Variants in ELK3 observed in about 807,000 individuals in gnomAD.
ELK3 encodes the protein ETS domain-containing protein Elk-3.
ELK3 carries 10 observed loss-of-function variants against 28.9 expected under a neutral mutation model. The observed-to-expected ratio is 0.35, with a 90% CI of 0.21 to 0.59. The LOEUF (loss-of-function observed/expected upper bound fraction) is 0.59. ELK3 is among the 20% of genes least tolerant of loss of function. The pLI, the probability that ELK3 is intolerant of heterozygous loss-of-function variation, is 0.82. For missense variants in ELK3, 463 were observed against 517.3 expected (o/e 0.90, Z 1.02); for synonymous variants, 272 against 243.5 (o/e 1.12, Z -1.09).
intron 3 of ELK3, among the ~76,000 whole-genome samples, chr12:96,252,771 C>T (rs937820316): frequency 2.6e-5 from 4 of 152,192 alleles, no homozygotes; most frequent in Non-Finnish European, 5.9e-5. Flanking sequence ...GAATCTACTC[C>T]TGTTGAAGAC....
Position 96,238,731 on chromosome 12 carries a change from T to C in ELK3, c.208-8209T>C, listed in dbSNP as rs145864622. 1.7e-3 allele frequency among the ~76,000 whole-genome samples: 258 copies of C among 152,314 alleles called. 1 individual carries two copies. Among genetic ancestry groups the C allele is most frequent in the African/African-American group, 4.9e-3 (205 of 41,574 alleles). ...CTGTGGATTGGCAGAGGCAGTTCTA[T>C]TTCTAGGTAATGAATGGACCTTACG... On this transcript the variant is annotated intron_variant, in intron 2 of 4. Transcript: ENST00000228741.
chr12:96,214,923 A>G (rs1354567000), intron 1 of ELK3, among the ~76,000 whole-genome samples: 1 of 152,236 alleles, frequency 6.6e-6, no homozygotes, highest in Non-Finnish European at 1.5e-5. Flanking sequence ...ATGGAAATGC[A>G]TAGCAGATAC....
intron 1 of ELK3, among the ~76,000 whole-genome samples, chr12:96,209,022 C>T (rs556939115): frequency 6.6e-6 from 1 of 152,220 alleles, no homozygotes; most frequent in Non-Finnish European, 1.5e-5. Flanking sequence ...GGTGATGTCA[C>T]AGCCCACACC....
chr12:96,217,853 G>A (rs548418473), intron 1 of ELK3, among the ~76,000 whole-genome samples: 8 of 147,564 alleles, frequency 5.4e-5, no homozygotes, highest in Admixed American at 2.1e-4. Flanking sequence ...CAGGAGAATC[G>A]CTTGAACCCG....
intron 4 of ELK3, among the ~76,000 whole-genome samples, chr12:96,263,222 AGAG>A (rs1442656964): frequency 1.2e-4 from 18 of 152,308 alleles, no homozygotes; most frequent in African/African-American, 4.3e-4. Context: ...AAGGAAGGAG[AGAG>A]AAGACGCCTT....
chr12:96,266,207 T>C (rs1027240985), intron 4 of ELK3, among the ~76,000 whole-genome samples: 2 of 152,238 alleles, frequency 1.3e-5, no homozygotes, highest in East Asian at 1.9e-4. Context: ...ATATAAGTAT[T>C]TGTTGTACTT....
intron 3 of ELK3, among the ~76,000 whole-genome samples, chr12:96,251,626 A>C (rs536729493): frequency 6.6e-6 from 1 of 152,336 alleles, no homozygotes; most frequent in Admixed American, 6.5e-5. Context: ...AACATGAATG[A>C]TAAGAAAGTG....
chr12:96,220,576 A>G (rs1020843303), intron 1 of ELK3, among the ~76,000 whole-genome samples: 22 of 151,426 alleles, frequency 1.5e-4, no homozygotes, highest in Admixed American at 9.9e-4. Context: ...TTTAGTAGAG[A>G]TGGGATTTCA....
intron 2 of ELK3, among the ~76,000 whole-genome samples, chr12:96,234,793 G>A (rs893003997): frequency 1.3e-5 from 2 of 152,166 alleles, no homozygotes; most frequent in South Asian, 2.1e-4. Flanking sequence ...GCAGCAGGGC[G>A]GTGGCAGAGC....
chr12:96,208,889 A>G (rs1306793968), intron 1 of ELK3, among the ~76,000 whole-genome samples: 1 of 152,240 alleles, frequency 6.6e-6, no homozygotes, highest in Non-Finnish European at 1.5e-5. Flanking sequence ...GGGAAGGTGC[A>G]CAGATGGTTG....
intron 1 of ELK3, among the ~76,000 whole-genome samples, 155 bp downstream of exon 1, chr12:96,194,860 C>T (rs1435196025): frequency 4.9e-4 from 59 of 121,208 alleles, no homozygotes; most frequent in African/African-American, 1.8e-3. Context: ...GGTGCGTCCG[C>T]GCGGGAGGGC....
In ELK3 at chr12:96,248,395, A is replaced by G. The variant is rs556232638; in HGVS notation, c.1002+661A>G. On this transcript the variant is annotated intron_variant, in intron 3 of 4. Coordinates refer to ENST00000228741, the MANE Select transcript of ELK3 (RefSeq NM_005230.4). Reference sequence around the variant, plus strand: ...CTTTTCCTTTAAATCAGATATTCAGATGCTCTTTCTTGTCCAGCTGACAAT... The same window carrying G: ...CTTTTCCTTTAAATCAGATATTCAGGTGCTCTTTCTTGTCCAGCTGACAAT... Among the ~76,000 whole-genome samples, 42 of 152,326 alleles carry G rather than the reference A, an allele frequency of 2.8e-4. No individual in the cohort carries two copies. In the South Asian group the frequency reaches 4.1e-3, roughly 15 times the overall value.
chr12:96,264,416 G>A lies in ELK3; in HGVS notation c.1126-2666G>A, dbSNP rs369008523. On this transcript the variant is annotated intron_variant, in intron 4 of 4. Transcript: ENST00000228741. ...GCAGACTTTGAGCTGGGTCTGAGGG[G>A]TAAAGTAGGTATTGAAAATTAAGTA... Among the ~76,000 whole-genome samples the A allele has an allele frequency of 7.2e-5, 11 of 152,298 alleles. No individual in the cohort carries two copies. In the East Asian group the frequency reaches 2.1e-3, roughly 29 times the overall value.
Position 96,247,675 on chromosome 12 carries a change from G to T in ELK3, c.943G>T (p.Ala315Ser), listed in dbSNP as rs751599496. ...CTCCGGCACCGACATCGGCTCCATC[G>T]CCCTCAACAGCCCAGCCCTCCCCTC... ...VLSGTDIGSI[A>S]LNSPALPSGS... Residue 315 changes from alanine to serine, a missense_variant, in exon 3 of 5, where the codon GCC (alanine) becomes TCC (serine). Coordinates refer to ENST00000228741, the MANE Select transcript of ELK3 (RefSeq NM_005230.4). This position sits in a 1 kb window ranked among gnomAD's most constrained non-coding sequence, Gnocchi z 5.5. The T allele has an allele frequency of 8.1e-6, 13 of 1,611,082 alleles. No individual in the cohort carries two copies. The Admixed American group carries it at 2.2e-4, about 27-fold the overall frequency.
intron 2 of ELK3, among the ~76,000 whole-genome samples, chr12:96,231,071 G>A (rs1951738637): frequency 1.3e-5 from 2 of 152,188 alleles, no homozygotes; most frequent in Admixed American, 1.3e-4. Context: ...ACCAGAGTCC[G>A]TAGAGGCCTA....
intron 1 of ELK3, among the ~76,000 whole-genome samples, chr12:96,222,353 A>G (rs1179868667): frequency 1.3e-5 from 2 of 152,170 alleles, no homozygotes; most frequent in African/African-American, 2.4e-5. Flanking sequence ...CAGAAGAAAT[A>G]GCATTTAAAA....
intron 4 of ELK3, among the ~76,000 whole-genome samples, chr12:96,265,998 G>C (rs1952026995): frequency 6.6e-6 from 1 of 152,200 alleles, no homozygotes; most frequent in Admixed American, 6.5e-5. Flanking sequence ...TTAAAACTTG[G>C]CTGTGTTGCT....
At chr12:96,220,233 C>G (rs2137012215) in intron 1 of ELK3, among the ~76,000 whole-genome samples, 1 of 152,186 alleles carries the variant, frequency 6.6e-6, no homozygotes, top group Non-Finnish European at 1.5e-5. Context: ...TTCACCTGTC[C>G]TTTTTGTCCT....
At chr12:96,259,911 T>C (rs1951980859) in intron 4 of ELK3, 58 bp downstream of exon 4, 1 of 1,521,496 alleles carries the variant, frequency 6.6e-7, no homozygotes, top group East Asian at 2.3e-5. Flanking sequence ...GTTTTTTCTC[T>C]AAATCCTGCA....
Sources: gnomAD v4.1 joint callset for allele counts (sites outside exome capture counted in the v4.1 genomes callset) on GRCh38, gnomAD v4.1.1 for gene constraint, Gnocchi (gnomAD v3.1) non-coding constraint, MANE v1.5 for transcripts, NCBI Gene and HGNC (gene_info 2026-07-23, HGNC 2026-07-21) for gene names.